SYT16: variants seen among roughly 807,000 people sequenced by gnomAD.
The protein encoded by SYT16 is synaptotagmin-16.
A neutral mutation model predicts 61.4 loss-of-function variants in SYT16; 42 were observed. The ratio of observed to expected loss-of-function variants is 0.68; its 90% CI spans 0.53 to 0.89. The LOEUF is 0.89. Among genes scored for constraint, SYT16 ranks in the 40% least tolerant of loss-of-function variants. The probability of loss-of-function intolerance (pLI) is 0.00; values close to 1 mark genes in which losing one functional copy is unlikely to be tolerated. For missense variants in SYT16, 804 were observed against 807.3 expected, an observed-to-expected ratio of 1.00 and a Z score of 0.05; for synonymous variants, 314 against 302.3, an observed-to-expected ratio of 1.04 and a Z score of -0.40.
Position 61,970,230 on chromosome 14 carries a change from A to G in SYT16, c.-226A>G, listed in dbSNP as rs1595048390. On this transcript the variant is annotated 5_prime_UTR_variant, in exon 2 of 8. Coordinates refer to ENST00000683842, the MANE Select transcript of SYT16 (RefSeq NM_001367656.1). The stretch of plus-strand genomic sequence containing the variant: ...CATCAACAAGAAGCTGTGTTTTGAA[A>G]CGATAGGAGGCCTTCCTTTCCTGGA... The G allele has an allele frequency of 6.6e-6, 1 of 152,208 alleles. No homozygotes were observed. The highest frequency in any genetic ancestry group is 2.1e-4 in the South Asian group (1 of 4,812). The allele number at this position is 152,208 out of a possible 1,614,324, so 9.4% of individuals were successfully genotyped here.
chr14:61,956,672 T>C (rs574370230), intron 1 of SYT16, among the ~76,000 whole-genome samples: 2 of 152,192 alleles, frequency 1.3e-5, no homozygotes, highest in Middle Eastern at 6.8e-3. Context: ...TCTCTGTTTT[T>C]ATGTAAGTGC....
chr14:61,870,489 T>A (rs2047298292), intron 1 of SYT16, among the ~76,000 whole-genome samples: 4 of 152,128 alleles, frequency 2.6e-5, no homozygotes, highest in Admixed American at 2.6e-4. Flanking sequence ...ACCAAACTCC[T>A]TGGATATGTA....
intron 3 of SYT16, among the ~76,000 whole-genome samples, chr14:62,041,909 T>A (rs1192202424): frequency 1.3e-5 from 2 of 152,210 alleles, no homozygotes; most frequent in Admixed American, 1.3e-4. Context: ...TATTCTGCAT[T>A]GCCCAAATCT....
At chr14:62,044,735 G>T (rs1172819156) in intron 3 of SYT16, among the ~76,000 whole-genome samples, 3 of 152,088 alleles carry the variant, frequency 2.0e-5, no homozygotes, top group Non-Finnish European at 4.4e-5. Flanking sequence ...AAGTCTTTGT[G>T]GGTTTTGCTG....
intron 3 of SYT16, 90 bp from the exon 4 acceptor site, chr14:62,069,513 C>A (rs1474780605): frequency 4.6e-6 from 6 of 1,296,056 alleles, no homozygotes; most frequent in Non-Finnish European, 5.4e-6. Flanking sequence ...TCATTGTCCA[C>A]GTTCTTCTCT....
rs563188866 is a variant in SYT16 at position 62,049,236 on chromosome 14, T to A, written c.524-20367T>A. Among the ~76,000 whole-genome samples the A allele has an allele frequency of 9.8e-5, 15 of 152,346 alleles. No homozygotes were observed. In the East Asian group the frequency reaches 2.9e-3, roughly 29 times the overall value. On this transcript the variant is annotated intron_variant, in intron 3 of 7. Transcript: ENST00000683842. ...ATCCCTTTACCATTATGTAATGGCCTTCTTTGTCTCTTTTGATCTTTGTTG... is the reference window on the plus strand; with the variant it reads ...ATCCCTTTACCATTATGTAATGGCCATCTTTGTCTCTTTTGATCTTTGTTG...
intron 2 of SYT16, among the ~76,000 whole-genome samples, chr14:61,980,942 TTG>T (rs776113739): frequency 1.6e-5 from 2 of 122,302 alleles, no homozygotes; most frequent in Non-Finnish European, 3.3e-5. Flanking sequence ...AGTACCAACA[TTG>T]TGTGTGTGTG....
At position 62,112,305 on chromosome 14, in the gene SYT16, G is replaced by A. The variant is rs900421799; in HGVS notation, c.*11598G>A. On this transcript the variant is annotated 3_prime_UTR_variant, in exon 8 of 8. Transcript: ENST00000683842. ...CTTAAGGCAGATGTTCAGTCTCACAGTGATGTTGGAAAGCATATTTTATGC... is the reference window on the plus strand; with the variant it reads ...CTTAAGGCAGATGTTCAGTCTCACAATGATGTTGGAAAGCATATTTTATGC... 2 of 152,146 alleles carry A rather than the reference G, an allele frequency of 1.3e-5. No homozygotes were observed. The highest frequency in any genetic ancestry group is 2.4e-5 in the African/African-American group (1 of 41,444). 9.4% of individuals were successfully genotyped at this position (152,146 alleles called of 1,614,324 possible). A position where few individuals can be genotyped will look rare whatever the true frequency, so the allele number is the denominator to read the frequency against.
At chr14:61,905,554 C>G (rs928504421) in intron 1 of SYT16, among the ~76,000 whole-genome samples, 5 of 152,164 alleles carry the variant, frequency 3.3e-5, no homozygotes, top group Non-Finnish European at 5.9e-5. Flanking sequence ...AAGCTGCTTC[C>G]AAACCCAGCC....
At chr14:62,025,485 C>G (rs2054067662) in intron 3 of SYT16, among the ~76,000 whole-genome samples, 1 of 152,082 alleles carries the variant, frequency 6.6e-6, no homozygotes, top group Admixed American at 6.6e-5. Flanking sequence ...TGTCTGTATA[C>G]TTTAGAAAAC....
At chr14:62,039,601 TGAA>T (rs975633648) in intron 3 of SYT16, among the ~76,000 whole-genome samples, 1 of 152,138 alleles carries the variant, frequency 6.6e-6, no homozygotes, top group African/African-American at 2.4e-5. Context: ...ATATGCTTAA[TGAA>T]TTTAATACAT....
At chr14:62,061,174 T>C (rs1038366826) in intron 3 of SYT16, among the ~76,000 whole-genome samples, 1 of 152,086 alleles carries the variant, frequency 6.6e-6, no homozygotes, top group Non-Finnish European at 1.5e-5. Context: ...GATATAACAC[T>C]GGCTTAAAAT....
At chr14:61,932,214 G>A (rs2049800437) in intron 1 of SYT16, among the ~76,000 whole-genome samples, 1 of 152,150 alleles carries the variant, frequency 6.6e-6, no homozygotes, top group Admixed American at 6.5e-5. Flanking sequence ...AAAAGTCTCA[G>A]GGTTGGCCTC....
chr14:61,893,583 T>A (rs1181623061), intron 1 of SYT16, among the ~76,000 whole-genome samples: 1 of 152,236 alleles, frequency 6.6e-6, no homozygotes, highest in African/African-American at 2.4e-5. Flanking sequence ...TTCAAATCAC[T>A]TGGGTGCTTG....
At chr14:61,815,796 G>A (rs2045409349) in intron 1 of SYT16, among the ~76,000 whole-genome samples, 1 of 152,202 alleles carries the variant, frequency 6.6e-6, no homozygotes, top group Non-Finnish European at 1.5e-5. Flanking sequence ...TCAGTGACAA[G>A]TATTCCAGAT....
chr14:61,996,598 T>C (rs938659397), intron 3 of SYT16, 56 bp downstream of exon 3: 1 of 1,518,882 alleles, frequency 6.6e-7, no homozygotes, highest in East Asian at 2.3e-5. Flanking sequence ...TTTCTACTTA[T>C]TTTATTTTGA....
At chr14:62,081,802 T>C (rs990959170) in intron 6 of SYT16, among the ~76,000 whole-genome samples, 2 of 152,224 alleles carry the variant, frequency 1.3e-5, no homozygotes, top group African/African-American at 4.8e-5. Flanking sequence ...GCCTACAGGA[T>C]GGGCAGCTCA....
intron 1 of SYT16, among the ~76,000 whole-genome samples, chr14:61,894,134 A>T (rs544901208): frequency 1.3e-5 from 2 of 152,094 alleles, no homozygotes; most frequent in Admixed American, 1.3e-4. Context: ...AAATACAAAA[A>T]ATTAGCCGGG....
chr14:61,858,043 G>A (rs1038418189), intron 1 of SYT16, among the ~76,000 whole-genome samples: 1 of 129,346 alleles, frequency 7.7e-6, no homozygotes, highest in African/African-American at 2.9e-5. Flanking sequence ...TGTGTTCTCC[G>A]TAACAGTATC....
Sources: allele counts gnomAD v4.1 joint callset (sites outside exome capture counted in the v4.1 genomes callset), GRCh38; gene constraint gnomAD v4.1.1; transcripts MANE v1.5; gene names NCBI Gene and HGNC (gene_info 2026-07-23, HGNC 2026-07-21).